CARMIL1: variants seen among roughly 807,000 people sequenced by gnomAD.
CARMIL1 encodes F-actin-uncapping protein LRRC16A.
Under a neutral mutation model 177.1 loss-of-function variants are expected in CARMIL1, and 90 were observed. The ratio of observed to expected loss-of-function variants is 0.51; its 90% CI spans 0.43 to 0.61. The LOEUF (loss-of-function observed/expected upper bound fraction) is 0.61. Among genes scored for constraint, CARMIL1 ranks in the 20% least tolerant of loss-of-function variants. The pLI, the probability that CARMIL1 is intolerant of heterozygous loss-of-function variation, is 0.00. For missense variants in CARMIL1, 1,380 were observed against 1,667.0 expected (o/e 0.83, Z 3.00); for synonymous variants, 577 against 606.2 (o/e 0.95, Z 0.71).
intron 5 of CARMIL1, among the ~76,000 whole-genome samples, chr6:25,448,703 T>G (rs548562619): frequency 1.3e-5 from 2 of 152,242 alleles, no homozygotes; most frequent in Non-Finnish European, 2.9e-5. Context: ...CACAGTAGAC[T>G]GCTAGCTTTG....
At chr6:25,476,723 T>C (rs1801605591) in intron 11 of CARMIL1, among the ~76,000 whole-genome samples, 1 of 152,128 alleles carries the variant, frequency 6.6e-6, no homozygotes, top group South Asian at 2.1e-4. Flanking sequence ...AAAGGGTGAA[T>C]GAGAGGTCTA....
rs1385294715 is a variant in CARMIL1, at chr6:25,509,506, G to A, written c.1396-150G>A. The A allele has an allele frequency of 6.4e-6, 4 of 627,904 alleles. No homozygotes were observed. The highest frequency in any genetic ancestry group is 3.0e-5 in the Admixed American group (1 of 32,850). The allele number at this position is 627,904 out of a possible 1,614,324, so 38.9% of individuals were successfully genotyped here. On this transcript the variant is annotated intron_variant, in intron 17 of 36. Coordinates refer to ENST00000329474, the MANE Select transcript of CARMIL1 (RefSeq NM_017640.6). This position sits in a 1 kb window ranked among gnomAD's most constrained non-coding sequence, Gnocchi z 4.1. ...GCTAGTGATAGGCTCTTTACCCACT[G>A]ATAATAGCTTCTTTGGAGTTGATAA...
rs559592573 is a variant in CARMIL1, at chr6:25,509,088, C to G, written c.1396-568C>G. On this transcript the variant is annotated intron_variant, in intron 17 of 36. Transcript: ENST00000329474. This position sits in a 1 kb window ranked among gnomAD's most constrained non-coding sequence, Gnocchi z 4.1. Reference sequence around the variant, plus strand: ...ATTTAACATTTTTCCATCCATGGCTCGAAGCATTTGTACAAATCATTTTGC... The same window carrying G: ...ATTTAACATTTTTCCATCCATGGCTGGAAGCATTTGTACAAATCATTTTGC... 2.6e-5 allele frequency among the ~76,000 whole-genome samples: 4 copies of G among 151,752 alleles called. No homozygotes were observed. Among genetic ancestry groups the G allele is most frequent in the Non-Finnish European group, 5.9e-5 (4 of 67,940 alleles).
At chr6:25,535,186 C>T (rs1808164531) in intron 24 of CARMIL1, among the ~76,000 whole-genome samples, 1 of 152,060 alleles carries the variant, frequency 6.6e-6, no homozygotes, top group African/African-American at 2.4e-5. Flanking sequence ...CTCTTAGTTA[C>T]AATCCATTTC....
At chr6:25,473,847 T>C (rs1801285567) in intron 11 of CARMIL1, among the ~76,000 whole-genome samples, 1 of 152,198 alleles carries the variant, frequency 6.6e-6, no homozygotes, top group South Asian at 2.1e-4. Flanking sequence ...AGTGTGAGAA[T>C]AGGGAAAGGA....
At chr6:25,450,941 C>CCTCTT (rs1562155046) in intron 8 of CARMIL1, among the ~76,000 whole-genome samples, 11 of 15,998 alleles carry the variant, frequency 6.9e-4, no homozygotes, top group Non-Finnish European at 1.1e-3. Flanking sequence ...CCTCTCCTCT[C>CCTCTT]CTCTCCTCTC....
intron 8 of CARMIL1, among the ~76,000 whole-genome samples, chr6:25,450,963 T>TCTCCTCTC (rs1562155215): frequency 3.7e-4 from 2 of 5,356 alleles, no homozygotes; most frequent in Non-Finnish European, 7.8e-4. Flanking sequence ...TCTCCTCTCC[T>TCTCCTCTC]CTCTTCTCTT....
chr6:25,559,654 C>T lies in CARMIL1; in HGVS notation c.2742+2804C>T, dbSNP rs138672776. ...AAATGTTTGTTTATAGCCCAAAGAACGGTGAAACTTTCCCTATGAATTCCA... is the reference window on the plus strand; with the variant it reads ...AAATGTTTGTTTATAGCCCAAAGAATGGTGAAACTTTCCCTATGAATTCCA... On this transcript the variant is annotated intron_variant, in intron 29 of 36. Coordinates refer to ENST00000329474, the MANE Select transcript of CARMIL1 (RefSeq NM_017640.6). 4.6e-5 allele frequency among the ~76,000 whole-genome samples: 7 copies of T among 152,268 alleles called. No homozygotes were observed. In the East Asian group the frequency reaches 5.8e-4, roughly 13 times the overall value.
At chr6:25,412,730 T>C (rs796600584) in intron 2 of CARMIL1, among the ~76,000 whole-genome samples, 32 of 152,268 alleles carry the variant, frequency 2.1e-4, no homozygotes, top group African/African-American at 7.7e-4. Flanking sequence ...AGTAACCATA[T>C]CTTGGGCTTT....
At chr6:25,527,811 T>C (rs1807308837) in intron 23 of CARMIL1, 1 of 277,208 alleles carries the variant, frequency 3.6e-6, no homozygotes, top group Non-Finnish European at 7.0e-6. Flanking sequence ...TATTAAGTAA[T>C]AGTCATTTTA....
At chr6:25,514,783 A>T (rs1805805776) in intron 20 of CARMIL1, among the ~76,000 whole-genome samples, 1 of 151,926 alleles carries the variant, frequency 6.6e-6, no homozygotes, top group Non-Finnish European at 1.5e-5. Flanking sequence ...AATGAGCCGA[A>T]TGTGGTGGTA....
At chr6:25,466,023 A>G in intron 9 of CARMIL1, 75 bp downstream of exon 9, 2 of 1,098,816 alleles carry the variant, frequency 1.8e-6, no homozygotes, top group Non-Finnish European at 2.8e-6. Flanking sequence ...TGGGAAAAAA[A>G]CAATTTTTTT....
chr6:25,548,683 GTTTA>G (rs1809767351), intron 26 of CARMIL1, among the ~76,000 whole-genome samples: 1 of 152,158 alleles, frequency 6.6e-6, no homozygotes, highest in Non-Finnish European at 1.5e-5. Flanking sequence ...CCTAGATACT[GTTTA>G]TTTAAGAGAA....
intron 17 of CARMIL1, among the ~76,000 whole-genome samples, chr6:25,506,623 C>A (rs1045216133): frequency 2.0e-5 from 3 of 152,162 alleles, no homozygotes; most frequent in African/African-American, 7.2e-5. Context: ...TATTTGGCAT[C>A]AAATCCTGCT....
intron 8 of CARMIL1, chr6:25,452,094 G>T: frequency 1.3e-6 from 1 of 743,126 alleles, no homozygotes; most frequent in Non-Finnish European, 2.5e-6. Context: ...CAACTGAATC[G>T]GCCAGGGAAA....
At chr6:25,500,325 A>G (rs1010444310) in intron 17 of CARMIL1, 90 bp downstream of exon 17, 4 of 1,078,004 alleles carry the variant, frequency 3.7e-6, no homozygotes, top group Non-Finnish European at 4.2e-6. Context: ...CTGTGATTCC[A>G]CAGGGTGTAA....
At chr6:25,557,903 G>A (rs984728142) in intron 29 of CARMIL1, among the ~76,000 whole-genome samples, 1 of 152,122 alleles carries the variant, frequency 6.6e-6, no homozygotes, top group Non-Finnish European at 1.5e-5. Flanking sequence ...TATACAAGGA[G>A]AACAGCAAAG....
chr6:25,397,775 A>G (rs17251430), intron 2 of CARMIL1, among the ~76,000 whole-genome samples: 7,949 of 152,232 alleles, frequency 0.052, 278 homozygotes, highest in Non-Finnish European at 0.088. Context: ...ATGGACTCCT[A>G]GGTATTCCAT....
intron 11 of CARMIL1, among the ~76,000 whole-genome samples, chr6:25,473,012 G>A (rs542774796): frequency 1.6e-4 from 25 of 152,224 alleles, no homozygotes; most frequent in Admixed American, 7.8e-4. Context: ...TAAGCTCGAT[G>A]TCCCCAGTTT....
Sources: gnomAD v4.1 joint callset for allele counts (sites outside exome capture counted in the v4.1 genomes callset) on GRCh38, gnomAD v4.1.1 for gene constraint, Gnocchi (gnomAD v3.1) non-coding constraint, MANE v1.5 for transcripts, NCBI Gene and HGNC (gene_info 2026-07-23, HGNC 2026-07-21) for gene names.